CNGA3: variants seen among roughly 807,000 people sequenced by gnomAD.
CNGA3 encodes the protein cyclic nucleotide gated channel subunit alpha 3.
A neutral mutation model predicts 46.6 loss-of-function variants in CNGA3; 42 were observed. The observed-to-expected ratio is 0.90, with a 90% CI of 0.70 to 1.17. CNGA3 has a LOEUF of 1.17. Ranked by LOEUF, CNGA3 falls within the 50% of genes most tolerant of loss-of-function variation. The pLI is 0.00. For missense variants in CNGA3, 893 were observed against 890.7 expected (o/e 1.00, Z -0.03); for synonymous variants, 394 against 369.4 (o/e 1.07, Z -0.76).
In CNGA3 at chr2:98,396,865, G is replaced by A. The variant is rs764338481; in HGVS notation, c.1695G>A (p.Thr565=). 2.3e-5 allele frequency: 37 copies of A among 1,614,062 alleles called. No homozygotes were observed. Among genetic ancestry groups the A allele is most frequent in the African/African-American group, 6.7e-5 (5 of 74,910 alleles). The part of the protein sequence containing the change: ...IKGSKSGNRR[T]ANIRSIGYSD... ...GGAGCAAGTCGGGGAACCGCAGGAC[G>A]GCCAACATCCGCAGCATTGGCTACT... The change falls in exon 8 of 8, where the codon ACG becomes ACA. Residue 565 remains threonine, a synonymous_variant. Transcript: ENST00000272602.
chr2:98,396,282 C>A lies in CNGA3; in HGVS notation c.1112C>A (p.Pro371His). 2 of 1,610,938 alleles carry A rather than the reference C, an allele frequency of 1.2e-6. No individual in the cohort carries two copies. Among genetic ancestry groups the A allele is most frequent in the Non-Finnish European group, 1.7e-6 (2 of 1,177,682 alleles). Residue 371 changes from proline (P) to histidine (H), a missense_variant, in exon 8 of 8, where the codon CCC becomes CAC. Pro to His is a moderately conservative substitution (Grantham distance 77, BLOSUM62 -2). Transcript: ENST00000272602. The part of the protein sequence containing the change: ...LTLTTIGETP[P>H]PVKDEEYLFV... The stretch of plus-strand genomic sequence containing the variant: ...CTTACCACCATTGGTGAGACCCCAC[C>A]CCCCGTGAAAGATGAGGAGTATCTC...
intron 2 of CNGA3, among the ~76,000 whole-genome samples, chr2:98,375,118 G>A (rs1187765794): frequency 1.3e-5 from 2 of 152,296 alleles, no homozygotes; most frequent in East Asian, 3.9e-4. Context: ...AACAGCTCTC[G>A]CTGCTGCTGG....
At chr2:98,376,176 C>T (rs967515570) in intron 2 of CNGA3, among the ~76,000 whole-genome samples, 1 of 152,156 alleles carries the variant, frequency 6.6e-6, no homozygotes, top group Non-Finnish European at 1.5e-5. Flanking sequence ...GCCTGTGTTA[C>T]AGGACTGCTT....
chr2:98,387,780 C>G (rs947107173), intron 5 of CNGA3, among the ~76,000 whole-genome samples: 2 of 152,214 alleles, frequency 1.3e-5, no homozygotes, highest in African/African-American at 4.8e-5. Flanking sequence ...CTGGCTTTCT[C>G]ATTAAGGCCC....
intron 2 of CNGA3, among the ~76,000 whole-genome samples, chr2:98,371,109 G>A (rs1277444283): frequency 6.6e-6 from 1 of 152,204 alleles, no homozygotes; most frequent in African/African-American, 2.4e-5. Context: ...ACAGGTGTGA[G>A]CCACTGCACC....
chr2:98,388,854 G>A (rs1434931521), intron 5 of CNGA3, among the ~76,000 whole-genome samples: 1 of 152,222 alleles, frequency 6.6e-6, no homozygotes, highest in African/African-American at 2.4e-5. Flanking sequence ...CCAGGTGAAG[G>A]CAGGAAGTCA....
chr2:98,390,252 C>T (rs1692754693), intron 6 of CNGA3, among the ~76,000 whole-genome samples: 1 of 152,002 alleles, frequency 6.6e-6, no homozygotes, highest in Admixed American at 6.5e-5. Flanking sequence ...TCTCCTGCCT[C>T]AGCCACCCGA....
At position 98,377,696 on chromosome 2, in the gene CNGA3, G is replaced by A. The variant is rs138888861; in HGVS notation, c.111G>A (p.Ser37=). The change falls in exon 3 of 8, where the codon TCG becomes TCA. Residue 37 remains serine (S), a synonymous_variant. Transcript: ENST00000272602. ...ATATCTGATTTCCTAGAGCCCACTC[G>A]TCAAGTGAGGAGACATCGTCAGTGC... The part of the protein sequence containing the change: ...RAENGLSRAH[S]SSEETSSVLQ... 390 of 1,613,166 alleles carry A rather than the reference G, an allele frequency of 2.4e-4. 4 individuals carry two copies. The highest frequency in any genetic ancestry group is 8.6e-4 in the South Asian group (78 of 90,842).
chr2:98,346,972 T>C (rs1454272846), intron 1 of CNGA3: 2 of 152,012 alleles, frequency 1.3e-5, no homozygotes, highest in African/African-American at 4.8e-5. Context: ...CATTTCCTCC[T>C]GTCACGCTGT....
chr2:98,347,623 C>T (rs1039422246), intron 1 of CNGA3, among the ~76,000 whole-genome samples: 5 of 152,240 alleles, frequency 3.3e-5, no homozygotes, highest in Non-Finnish European at 7.3e-5. Flanking sequence ...CCTCTTTGGC[C>T]TGAACCAGGT....
At chr2:98,388,413 G>C (rs1692708024) in intron 5 of CNGA3, among the ~76,000 whole-genome samples, 1 of 152,100 alleles carries the variant, frequency 6.6e-6, no homozygotes. Flanking sequence ...CTCCAGGGCT[G>C]GGTATCTTGG....
rs571098906 is a variant in CNGA3, at chr2:98,398,533, A to G, written c.*1278A>G. 1 of 152,074 alleles carries G rather than the reference A, an allele frequency of 6.6e-6. No individual in the cohort carries two copies. The highest frequency in any genetic ancestry group is 2.4e-5 in the African/African-American group (1 of 41,470). 9.4% of individuals were successfully genotyped at this position (152,074 alleles called of 1,614,324 possible). A position where few individuals can be genotyped will look rare whatever the true frequency, so the allele number is the denominator to read the frequency against. On this transcript the variant is annotated 3_prime_UTR_variant, in exon 8 of 8. Transcript: ENST00000272602. ...CTCCTCAAAATGTATATATTTTAAAAGCCTTAACTGTTAGTTATGCCTGCA... is the reference window on the plus strand; with the variant it reads ...CTCCTCAAAATGTATATATTTTAAAGGCCTTAACTGTTAGTTATGCCTGCA...
chr2:98,369,782 C>T (rs1293204470), intron 1 of CNGA3, among the ~76,000 whole-genome samples, 157 bp from the exon 2 acceptor site: 1 of 152,224 alleles, frequency 6.6e-6, no homozygotes, highest in African/African-American at 2.4e-5. Flanking sequence ...AGATGTCCAA[C>T]TAAAACTCAC....
At chr2:98,382,500 T>C (rs970311137) in intron 4 of CNGA3, among the ~76,000 whole-genome samples, 5 of 152,170 alleles carry the variant, frequency 3.3e-5, no homozygotes, top group Non-Finnish European at 5.9e-5. Context: ...CATAATGGCA[T>C]TTATTTGGCT....
chr2:98,358,368 T>C (rs1691938698), intron 1 of CNGA3, among the ~76,000 whole-genome samples: 1 of 152,228 alleles, frequency 6.6e-6, no homozygotes, highest in Non-Finnish European at 1.5e-5. Flanking sequence ...CAACCTCTAA[T>C]GAATTGATGG....
intron 1 of CNGA3, among the ~76,000 whole-genome samples, chr2:98,361,056 G>A (rs888613151): frequency 4.0e-5 from 6 of 151,660 alleles, no homozygotes; most frequent in African/African-American, 7.3e-5. Flanking sequence ...TGGGGTACAT[G>A]CGCAGGACGT....
At chr2:98,383,139 A>T (rs1248375189) in intron 4 of CNGA3, among the ~76,000 whole-genome samples, 2 of 152,202 alleles carry the variant, frequency 1.3e-5, no homozygotes, top group African/African-American at 4.8e-5. Flanking sequence ...AAACGGCTGA[A>T]TCTTTTCTTC....
intron 5 of CNGA3, 134 bp from the exon 6 acceptor site, chr2:98,389,524 T>C (rs1215889445): frequency 7.5e-6 from 6 of 802,692 alleles, no homozygotes; most frequent in Non-Finnish European, 1.3e-5. Flanking sequence ...TGTGACTCCC[T>C]TGAGACTAAG....
At position 98,380,349 on chromosome 2, in the gene CNGA3, G is replaced by A. The variant is rs764529642; in HGVS notation, c.390G>A (p.Gly130=). ...GCAGCCAGGAGCCAGCAGACAGAGG[G>A]AGAAGGTAAGGAACGGAAAAGAAGA... ...NVGSQEPADR[G]RSAWPLAKCN... The change falls in exon 4 of 8, where the codon GGG becomes GGA. Residue 130 remains glycine (G), a synonymous_variant. Transcript: ENST00000272602. 1 of 1,613,998 alleles carries A rather than the reference G, an allele frequency of 6.2e-7. No homozygotes were observed. Among genetic ancestry groups the A allele is most frequent in the Non-Finnish European group, 8.5e-7 (1 of 1,179,930 alleles).
Sources: allele counts gnomAD v4.1 joint callset (sites outside exome capture counted in the v4.1 genomes callset), GRCh38; gene constraint gnomAD v4.1.1; transcripts MANE v1.5; gene names NCBI Gene and HGNC (gene_info 2026-07-23, HGNC 2026-07-21).